Variants in DENND4A observed in about 807,000 individuals in gnomAD.
DENND4A encodes C-myc promoter-binding protein.
DENND4A carries 70 observed loss-of-function variants against 199.3 expected under a neutral mutation model. The ratio of observed to expected loss-of-function variants is 0.35; its 90% CI spans 0.29 to 0.43. The LOEUF is 0.43. Ranked by LOEUF, DENND4A falls within the 20% of genes least tolerant of loss-of-function variation. The probability of loss-of-function intolerance (pLI) is 1.00; values close to 1 mark genes in which losing one functional copy is unlikely to be tolerated. For synonymous variants in DENND4A, 686 were observed against 766.9 expected, an observed-to-expected ratio of 0.89 and a Z score of 1.74; for missense variants, 1,723 against 2,255.8, an observed-to-expected ratio of 0.76 and a Z score of 4.78.
chr15:65,757,452 G>A (rs993921497), intron 2 of DENND4A, among the ~76,000 whole-genome samples: 2 of 152,090 alleles, frequency 1.3e-5, no homozygotes, highest in African/African-American at 4.8e-5. Flanking sequence ...TAGAGAATTG[G>A]AACTGAGCCA....
rs371626371 is a variant in DENND4A at position 65,702,888 on chromosome 15, G to A, written c.2208C>T (p.Phe736=). Residue 736 remains phenylalanine, a synonymous_variant, in exon 16 of 33, where the codon TTC becomes TTT. Coordinates refer to ENST00000443035, the MANE Select transcript of DENND4A (RefSeq NM_001320835.1). ...GATAAAGTACCTGTTTTGTTCTTCT[G>A]AACATGGGCAAAGGGCTATTAGGAC... is the stretch of plus-strand genomic sequence containing the variant. ...SSSPNSPLPM[F]RRTKQEIKSA... 373 of 1,611,136 alleles carry A rather than the reference G, an allele frequency of 2.3e-4. 5 individuals are homozygous for A. In the Admixed American group the frequency reaches 6.0e-3, roughly 26 times the overall value.
chr15:65,758,018 C>G (rs2140706659), intron 2 of DENND4A, among the ~76,000 whole-genome samples: 1 of 152,146 alleles, frequency 6.6e-6, no homozygotes, highest in Admixed American at 6.5e-5. Context: ...GCTAGTGATT[C>G]CCCTTGAAAA....
In DENND4A at chr15:65,752,538, A is replaced by T; in HGVS notation, c.402T>A (p.Ser134Arg). 2 of 1,613,308 alleles carry T rather than the reference A, an allele frequency of 1.2e-6. No individual in the cohort carries two copies. Among genetic ancestry groups the T allele is most frequent in the Non-Finnish European group, 1.7e-6 (2 of 1,179,664 alleles). Reference protein sequence around the residue: ...PYGRPANISGSTSSQRIYITY... With the variant: ...PYGRPANISGRTSSQRIYITY... The stretch of plus-strand genomic sequence containing the variant: ...TGATATAAATTCTTTGTGATGAGGT[A>T]CTCCCACTAATATTTGCGGGGCGCC... Residue 134 changes from serine (S) to arginine (R), a missense_variant, in exon 4 of 33, where the codon AGT becomes AGA. Transcript: ENST00000443035.
chr15:65,789,896 C>T lies in DENND4A; in HGVS notation c.-102+2114G>A, dbSNP rs542957614. Among the ~76,000 whole-genome samples, 3 of 152,272 alleles carry T rather than the reference C, an allele frequency of 2.0e-5. No homozygotes were observed. In the South Asian group the frequency reaches 6.2e-4, roughly 32 times the overall value. ...ACTGGCCGGGTGCGGTAGCTCACGC[C>T]TGTAATCTCAGCACTTTGGGAGGCC... On this transcript the variant is annotated intron_variant, in intron 1 of 32. Transcript: ENST00000443035.
chr15:65,691,647 A>G, intron 22 of DENND4A, 136 bp from the exon 23 acceptor site: 1 of 876,222 alleles, frequency 1.1e-6, no homozygotes, highest in Non-Finnish European at 1.7e-6. Context: ...CAGATACTAT[A>G]CTAAACACTT....
Position 65,737,754 on chromosome 15 carries a change from A to G in DENND4A, c.993T>C (p.Phe331=), listed in dbSNP as rs777405363. 3 of 1,589,350 alleles carry G rather than the reference A, an allele frequency of 1.9e-6. No individual in the cohort carries two copies. Among genetic ancestry groups the G allele is most frequent in the East Asian group, 4.5e-5 (2 of 44,008 alleles). Residue 331 remains phenylalanine, a synonymous_variant, in exon 7 of 33, where the codon TTT becomes TTC. Coordinates refer to ENST00000443035, the MANE Select transcript of DENND4A (RefSeq NM_001320835.1). ...FFDAFRKFLT[F]LYRYSISGPH... ...GCCCAGAGATGGAATAACGATACAG[A>G]AAAGTCAGAAACTTCCTGAATGCAT...
intron 9 of DENND4A, 173 bp downstream of exon 9, chr15:65,731,469 T>C: frequency 1.6e-6 from 1 of 644,496 alleles, no homozygotes; most frequent in Non-Finnish European, 2.9e-6. Flanking sequence ...TAGAAAAGTT[T>C]CCTTTTTTCA....
Position 65,660,181 on chromosome 15 carries a change from C to A in DENND4A, c.*1670G>T. 3.9e-6 allele frequency: 3 copies of A among 759,794 alleles called. No individual in the cohort carries two copies. The highest frequency in any genetic ancestry group is 6.7e-6 in the Non-Finnish European group (3 of 447,648). 47.1% of individuals were successfully genotyped at this position (759,794 alleles called of 1,614,324 possible). ...TGGAGTGGTATTTACAAAGGAGAGG[C>A]AGATATATGTGCCTAGCACCAGATT... On this transcript the variant is annotated 3_prime_UTR_variant, in exon 33 of 33. Coordinates refer to ENST00000443035, the MANE Select transcript of DENND4A (RefSeq NM_001320835.1).
At chr15:65,698,593 T>C (rs1159916050) in intron 20 of DENND4A, among the ~76,000 whole-genome samples, 1 of 152,104 alleles carries the variant, frequency 6.6e-6, no homozygotes, top group Non-Finnish European at 1.5e-5. Context: ...AATATCGTTG[T>C]TATAATTTTC....
chr15:65,766,802 A>C (rs555135372), intron 1 of DENND4A: 2 of 152,264 alleles, frequency 1.3e-5, no homozygotes, highest in African/African-American at 4.8e-5. Flanking sequence ...ACCGAAAATA[A>C]GTGGACAACA....
At chr15:65,718,246 C>T (rs1269817266) in intron 12 of DENND4A, among the ~76,000 whole-genome samples, 8 of 152,104 alleles carry the variant, frequency 5.3e-5, no homozygotes, top group South Asian at 2.1e-4. Context: ...AAGCTCAGGT[C>T]GGTCATGGTA....
At chr15:65,673,630 GA>G (rs78649250) in intron 24 of DENND4A, among the ~76,000 whole-genome samples, 6,986 of 110,108 alleles carry the variant, frequency 0.063, 559 homozygotes, top group African/African-American at 0.2. Context: ...TAACAAGGAG[GA>G]AAAAAAAAAA....
At chr15:65,727,675 C>T (rs2075841787) in intron 11 of DENND4A, 1 of 177,596 alleles carries the variant, frequency 5.6e-6, no homozygotes, top group East Asian at 1.7e-4. Context: ...AGTGTAAAAG[C>T]TGTACCAGCT....
At chr15:65,698,018 G>A (rs925716045) in intron 20 of DENND4A, among the ~76,000 whole-genome samples, 3 of 152,110 alleles carry the variant, frequency 2.0e-5, no homozygotes, top group African/African-American at 7.2e-5. Context: ...TTGGAAGGCT[G>A]AGGCAGGCAG....
At chr15:65,709,909 T>C (rs1439007720) in intron 14 of DENND4A, among the ~76,000 whole-genome samples, 6 of 151,758 alleles carry the variant, frequency 4.0e-5, no homozygotes, top group Non-Finnish European at 7.4e-5. Flanking sequence ...TTGTTGGATC[T>C]AGATTTTGAA....
At chr15:65,663,173 T>TGG (rs2075911204) in intron 32 of DENND4A, among the ~76,000 whole-genome samples, 1 of 120,680 alleles carries the variant, frequency 8.3e-6, no homozygotes, top group East Asian at 3.7e-4. Context: ...TATGTGTGTG[T>TGG]GTGTATATAT....
In DENND4A at chr15:65,737,914, G is replaced by A. The variant is rs758862984; in HGVS notation, c.833C>T (p.Pro278Leu). 2.5e-6 allele frequency: 4 copies of A among 1,597,458 alleles called. No individual in the cohort carries two copies. The highest frequency in any genetic ancestry group is 1.7e-5 in the Admixed American group (1 of 57,574). The change falls in exon 7 of 33, where the codon CCA becomes CTA. Residue 278 changes from proline to leucine, a missense_variant. This residue lies in a region of DENND4A where 725 missense variants were observed against 952.9 expected (regional missense o/e 0.76). Transcript: ENST00000443035. ...TTCTGTGAGATTCTCCTCAGAGTAT[G>A]GTTCATAAAACTGAATAGCAGCACC... Reference protein sequence around the residue: ...VYGAAIQFYEPYSEENLTEKQ... With the variant: ...VYGAAIQFYELYSEENLTEKQ...
chr15:65,741,803 AAATATCAT>A lies in DENND4A; in HGVS notation c.562-27_562-20del. 1 of 1,591,282 alleles carries A rather than the reference AAATATCAT, an allele frequency of 6.3e-7. No individual in the cohort carries two copies. Among genetic ancestry groups the A allele is most frequent in the African/African-American group, 1.3e-5 (1 of 74,562 alleles). On this transcript the variant is annotated intron_variant, in intron 4 of 32. Transcript: ENST00000443035. ...ATCCCCACTGGATTTAAAAAAATAG[AAATATCAT>A]TTAATTTTTAAAAGGTAGGAACTTG...
At chr15:65,738,597 A>C in intron 6 of DENND4A, 109 bp downstream of exon 6, 1 of 923,212 alleles carries the variant, frequency 1.1e-6, no homozygotes, top group Non-Finnish European at 1.6e-6. Flanking sequence ...CTGGAAAAGT[A>C]TGCATAATCA....
Sources: allele counts gnomAD v4.1 joint callset (sites outside exome capture counted in the v4.1 genomes callset), GRCh38; gene constraint gnomAD v4.1.1; regional missense constraint gnomAD v4.1.1; transcripts MANE v1.5; gene names NCBI Gene and HGNC (gene_info 2026-07-23, HGNC 2026-07-21).